Variants in CDH10 observed in about 807,000 individuals in gnomAD.
CDH10 encodes cadherin-10.
A neutral mutation model predicts 73.1 loss-of-function variants in CDH10; 30 were observed. That is an observed-to-expected ratio of 0.41 (90% CI 0.31 to 0.56). The LOEUF is 0.56. Among genes scored for constraint, CDH10 ranks in the 20% least tolerant of loss-of-function variants. The probability of loss-of-function intolerance (pLI) is 0.27; values close to 1 mark genes in which losing one functional copy is unlikely to be tolerated. For synonymous variants in CDH10, 345 were observed against 348.2 expected, an observed-to-expected ratio of 0.99 and a Z score of 0.10; for missense variants, 815 against 973.7, an observed-to-expected ratio of 0.84 and a Z score of 2.17.
At chr5:24,547,600 TA>T (rs138199341) in intron 2 of CDH10, among the ~76,000 whole-genome samples, 1,659 of 152,272 alleles carry the variant, frequency 0.011, 25 homozygotes, top group African/African-American at 0.037. Context: ...ATAGAGTCTG[TA>T]GGAGGCTAAA....
At chr5:24,531,852 C>T (rs149819110) in intron 5 of CDH10, among the ~76,000 whole-genome samples, 231 of 152,126 alleles carry the variant, frequency 1.5e-3, no homozygotes, top group Non-Finnish European at 2.5e-3. Context: ...ACTTGAATTG[C>T]CCCTCATATG....
In CDH10 at chr5:24,487,657, CCTACGTTAAGAGT is replaced by C; in HGVS notation, c.2360_*5del. ...TCTCTTGTTTGAACAGAACATATAT[CCTACGTTAAGAGT>C]CTTTGTCACTTTCCCCACCACCATA... On this transcript the variant is annotated stop_lost and 3_prime_UTR_variant, in exon 12 of 12. Coordinates refer to ENST00000264463, the MANE Select transcript of CDH10 (RefSeq NM_006727.5). 6.2e-7 allele frequency: 1 copy of C among 1,605,536 alleles called. No homozygotes were observed. The highest frequency in any genetic ancestry group is 8.5e-7 in the Non-Finnish European group (1 of 1,175,504).
intron 5 of CDH10, among the ~76,000 whole-genome samples, chr5:24,529,756 C>T (rs1403247775): frequency 6.6e-6 from 1 of 151,900 alleles, no homozygotes. Context: ...TTTTCTCCCT[C>T]ATAAAGGCTC....
At chr5:24,488,761 G>A (rs911244047) in intron 11 of CDH10, among the ~76,000 whole-genome samples, 1 of 150,214 alleles carries the variant, frequency 6.7e-6, no homozygotes, top group Non-Finnish European at 1.5e-5. Context: ...AATTCCTAAT[G>A]TTTCCATGAA....
At chr5:24,489,586 T>C (rs1741974704) in intron 11 of CDH10, among the ~76,000 whole-genome samples, 1 of 152,170 alleles carries the variant, frequency 6.6e-6, no homozygotes, top group Non-Finnish European at 1.5e-5. Flanking sequence ...TTGAGGATAA[T>C]GACAACTTAT....
chr5:24,566,656 T>C (rs75766316), intron 2 of CDH10, among the ~76,000 whole-genome samples: 1 of 152,000 alleles, frequency 6.6e-6, no homozygotes, highest in African/African-American at 2.4e-5. Flanking sequence ...CTCTATATGG[T>C]AAACAAACAA....
intron 2 of CDH10, among the ~76,000 whole-genome samples, chr5:24,586,376 G>A (rs1745993040): frequency 6.6e-6 from 1 of 150,378 alleles, no homozygotes; most frequent in Non-Finnish European, 1.5e-5. Flanking sequence ...TAACAAAGTT[G>A]CTGCTCCCCT....
At chr5:24,599,551 A>G (rs1485006295) in intron 1 of CDH10, among the ~76,000 whole-genome samples, 2 of 152,158 alleles carry the variant, frequency 1.3e-5, no homozygotes, top group Non-Finnish European at 2.9e-5. Flanking sequence ...AGTGTGTTCA[A>G]CTATGAGAAT....
intron 2 of CDH10, among the ~76,000 whole-genome samples, chr5:24,544,774 T>G (rs1366959277): frequency 6.6e-6 from 1 of 152,196 alleles, no homozygotes; most frequent in Non-Finnish European, 1.5e-5. Context: ...TTCATGAGAA[T>G]GCTATATAAT....
At chr5:24,632,066 T>C (rs377764750) in intron 1 of CDH10, among the ~76,000 whole-genome samples, 24 of 152,180 alleles carry the variant, frequency 1.6e-4, no homozygotes, top group African/African-American at 5.8e-4. Flanking sequence ...CCCTTATCAC[T>C]TGAGGATAAT....
intron 2 of CDH10, among the ~76,000 whole-genome samples, chr5:24,563,106 A>T (rs546880899): frequency 1.3e-5 from 2 of 152,200 alleles, no homozygotes; most frequent in South Asian, 2.1e-4. Context: ...TAACCACCTC[A>T]AATCATGTGC....
At chr5:24,620,942 A>T (rs2112168019) in intron 1 of CDH10, among the ~76,000 whole-genome samples, 1 of 152,310 alleles carries the variant, frequency 6.6e-6, no homozygotes, top group African/African-American at 2.4e-5. Flanking sequence ...GTTCCATCTT[A>T]TCGTCAAGGT....
chr5:24,614,159 C>G (rs1380143314), intron 1 of CDH10, among the ~76,000 whole-genome samples: 1 of 152,014 alleles, frequency 6.6e-6, no homozygotes, highest in Non-Finnish European at 1.5e-5. Context: ...ATGATGGATC[C>G]AAAAATGTTA....
At chr5:24,573,198 T>C (rs1745461586) in intron 2 of CDH10, among the ~76,000 whole-genome samples, 1 of 151,594 alleles carries the variant, frequency 6.6e-6, no homozygotes, top group Non-Finnish European at 1.5e-5. Flanking sequence ...TTTGAAGAGT[T>C]AAAAAATAGT....
At chr5:24,565,149 T>C (rs1445358827) in intron 2 of CDH10, among the ~76,000 whole-genome samples, 2 of 151,890 alleles carry the variant, frequency 1.3e-5, no homozygotes, top group Non-Finnish European at 1.5e-5. Context: ...TAATCTTCAA[T>C]AGAACTGAAT....
intron 1 of CDH10, among the ~76,000 whole-genome samples, chr5:24,635,409 AG>A (rs1265540391): frequency 2.6e-5 from 4 of 151,950 alleles, no homozygotes; most frequent in Non-Finnish European, 4.4e-5. Flanking sequence ...ACCTCACAAC[AG>A]TTAGTCTCAC....
At chr5:24,549,542 A>G (rs1414425316) in intron 2 of CDH10, among the ~76,000 whole-genome samples, 2 of 144,696 alleles carry the variant, frequency 1.4e-5, no homozygotes, top group Admixed American at 7.4e-5. Flanking sequence ...CCAATACACA[A>G]TGGAATGACT....
At chr5:24,540,790 AG>A (rs2111910019) in intron 2 of CDH10, among the ~76,000 whole-genome samples, 1 of 152,078 alleles carries the variant, frequency 6.6e-6, no homozygotes, top group African/African-American at 2.4e-5. Context: ...ACTAGAATGA[AG>A]GGCAAAAAGG....
intron 5 of CDH10, among the ~76,000 whole-genome samples, chr5:24,533,145 G>A (rs541958378): frequency 4.6e-5 from 7 of 151,918 alleles, no homozygotes; most frequent in African/African-American, 1.4e-4. Flanking sequence ...TGGGCAACAC[G>A]GCGAAACCTT....
Sources: gnomAD v4.1 joint callset for allele counts (sites outside exome capture counted in the v4.1 genomes callset) on GRCh38, gnomAD v4.1.1 for gene constraint, MANE v1.5 for transcripts, NCBI Gene and HGNC (gene_info 2026-07-23, HGNC 2026-07-21) for gene names.